Variants in PDE8B observed in about 807,000 individuals in gnomAD.
PDE8B encodes high affinity cAMP-specific and IBMX-insensitive 3',5'-cyclic phosphodiesterase 8B.
Under a neutral mutation model 101.3 loss-of-function variants are expected in PDE8B, and 26 were observed. That is an observed-to-expected ratio of 0.26 (90% confidence interval 0.19 to 0.36). The LOEUF is 0.36. Among genes scored for constraint, PDE8B ranks in the 10% least tolerant of loss-of-function variants. The probability of loss-of-function intolerance (pLI) is 1.00; values close to 1 mark genes in which losing one functional copy is unlikely to be tolerated. For synonymous variants in PDE8B, 424 were observed against 429.3 expected (o/e 0.99, Z 0.15); for missense variants, 810 against 1,163.1 (o/e 0.70, Z 4.42).
At chr5:77,287,260 A>G (rs1231673526) in intron 1 of PDE8B, among the ~76,000 whole-genome samples, 2 of 151,780 alleles carry the variant, frequency 1.3e-5, no homozygotes, top group Admixed American at 6.6e-5. Context: ...ATTGAAGTAT[A>G]TTTTTACTAA....
intron 10 of PDE8B, among the ~76,000 whole-genome samples, chr5:77,398,465 G>A (rs1292624251): frequency 1.3e-5 from 2 of 151,826 alleles, no homozygotes; most frequent in African/African-American, 2.4e-5. Context: ...TGGGACTACA[G>A]GCGCCCGCCA....
chr5:77,190,619 C>T, the PDE8B span, among the ~76,000 whole-genome samples: 1 of 152,196 alleles, frequency 6.6e-6, no homozygotes, highest in Non-Finnish European at 1.5e-5. Flanking sequence ...GATGGAGGTG[C>T]TCCTGTCTCT....
the PDE8B span, among the ~76,000 whole-genome samples, chr5:77,099,738 T>C: frequency 5.3e-5 from 8 of 151,996 alleles, no homozygotes; most frequent in Non-Finnish European, 1.0e-4. Context: ...GCCTCCCGAG[T>C]AGCTGGGACT....
chr5:77,087,325 C>A, the PDE8B span: 1 of 152,388 alleles, frequency 6.6e-6, no homozygotes, highest in Non-Finnish European at 1.5e-5. Context: ...GCTCTGAAAC[C>A]GCCAAGGATC....
chr5:77,338,392 A>G (rs1417127931), intron 6 of PDE8B, among the ~76,000 whole-genome samples: 1 of 152,202 alleles, frequency 6.6e-6, no homozygotes, highest in African/African-American at 2.4e-5. Context: ...TGATCTAAGA[A>G]ATAAAGTGTG....
At chr5:77,335,750 T>C (rs911853416) in intron 5 of PDE8B, among the ~76,000 whole-genome samples, 4 of 152,200 alleles carry the variant, frequency 2.6e-5, no homozygotes, top group African/African-American at 9.7e-5. Context: ...CTTATCTTTC[T>C]ACTTAATAGT....
chr5:77,199,850 T>C, the PDE8B span, among the ~76,000 whole-genome samples: 1 of 152,194 alleles, frequency 6.6e-6, no homozygotes, highest in Non-Finnish European at 1.5e-5. Context: ...GCAGCCATTG[T>C]TATTATTTTT....
At chr5:77,343,035 C>A (rs565421738) in intron 6 of PDE8B, among the ~76,000 whole-genome samples, 1 of 152,196 alleles carries the variant, frequency 6.6e-6, no homozygotes, top group African/African-American at 2.4e-5. Flanking sequence ...AACGTCATTG[C>A]CTCGTGTTAG....
At position 77,339,086 on chromosome 5, in the gene PDE8B, T is replaced by A. The variant is rs562375190; in HGVS notation, c.797+1771T>A. Among the ~76,000 whole-genome samples, 9 of 152,278 alleles carry A rather than the reference T, an allele frequency of 5.9e-5. No homozygotes were observed. In the South Asian group the frequency reaches 1.9e-3, roughly 32 times the overall value. ...CAACACAATAGCATAAAGAAAAGCC[T>A]TCAGGTTATTGTACTGCTGAAATCT... On this transcript the variant is annotated intron_variant, in intron 6 of 21. Transcript: ENST00000264917.
intron 21 of PDE8B, 24 bp downstream of exon 21, chr5:77,425,920 C>A (rs757560902): frequency 6.2e-7 from 1 of 1,607,636 alleles, no homozygotes; most frequent in Non-Finnish European, 8.5e-7. Flanking sequence ...TGTTTTGTCA[C>A]CCAAAGAAAA....
At chr5:77,422,716 A>C (rs1796934329) in intron 20 of PDE8B, among the ~76,000 whole-genome samples, 1 of 142,730 alleles carries the variant, frequency 7.0e-6, no homozygotes, top group African/African-American at 2.5e-5. Flanking sequence ...GACTCTAAGC[A>C]CTGATGGGTG....
intron 1 of PDE8B, among the ~76,000 whole-genome samples, chr5:77,254,015 G>T (rs1349563961): frequency 6.6e-6 from 1 of 151,976 alleles, no homozygotes; most frequent in African/African-American, 2.4e-5. Flanking sequence ...TGGCCTAAAA[G>T]ATTACTAAAA....
At chr5:77,356,534 A>G (rs1782138693) in intron 10 of PDE8B, among the ~76,000 whole-genome samples, 1 of 152,078 alleles carries the variant, frequency 6.6e-6, no homozygotes, top group East Asian at 1.9e-4. Context: ...GGTTCAAGTG[A>G]TTCTCCTGCC....
the PDE8B span, among the ~76,000 whole-genome samples, chr5:77,166,263 C>T: frequency 1.3e-5 from 2 of 149,824 alleles, no homozygotes; most frequent in East Asian, 3.9e-4. Context: ...AAAAAAACCC[C>T]ACAACCTTCT....
the PDE8B span, among the ~76,000 whole-genome samples, chr5:77,182,142 A>G: frequency 1.3e-5 from 2 of 152,068 alleles, no homozygotes; most frequent in Admixed American, 1.3e-4. Flanking sequence ...CTCAGCTGCC[A>G]GGAAGGCTCA....
the PDE8B span, among the ~76,000 whole-genome samples, chr5:77,192,058 G>A: frequency 6.6e-6 from 1 of 152,166 alleles, no homozygotes; most frequent in African/African-American, 2.4e-5. Context: ...AGTTCAAGTG[G>A]TAATGTGAGT....
At chr5:77,307,031 A>G (rs1771375395) in intron 1 of PDE8B, among the ~76,000 whole-genome samples, 1 of 152,162 alleles carries the variant, frequency 6.6e-6, no homozygotes, top group Non-Finnish European at 1.5e-5. Flanking sequence ...AGATCTTATT[A>G]CGTTAATCCT....
At chr5:77,344,746 A>T (rs1779851864) in intron 6 of PDE8B, 107 bp from the exon 7 acceptor site, 1 of 805,444 alleles carries the variant, frequency 1.2e-6, no homozygotes, top group Admixed American at 1.7e-5. Context: ...AATAACAAAA[A>T]GTACGTAGAT....
intron 7 of PDE8B, among the ~76,000 whole-genome samples, chr5:77,348,926 C>T (rs1342976447): frequency 2.0e-5 from 3 of 152,178 alleles, no homozygotes; most frequent in Non-Finnish European, 4.4e-5. Flanking sequence ...AACTGATCCT[C>T]CTGCCTCAGC....
Sources: gnomAD v4.1 joint callset for allele counts (sites outside exome capture counted in the v4.1 genomes callset) on GRCh38, gnomAD v4.1.1 for gene constraint, MANE v1.5 for transcripts, NCBI Gene and HGNC (gene_info 2026-07-23, HGNC 2026-07-21) for gene names.